The following RBM28 variants were observed in gnomAD, a reference collection of about 807,000 sequenced individuals.
RBM28 encodes the protein RNA binding motif protein 28.
Under a neutral mutation model 98.3 loss-of-function variants are expected in RBM28, and 78 were observed. The observed-to-expected ratio is 0.79, with a 90% CI of 0.66 to 0.96. RBM28 has a LOEUF of 0.96. RBM28 is among the 40% of genes least tolerant of loss of function. The pLI is 0.00. For missense variants in RBM28, 838 were observed against 913.0 expected, an observed-to-expected ratio of 0.92 and a Z score of 1.06; for synonymous variants, 306 against 330.9, an observed-to-expected ratio of 0.92 and a Z score of 0.82.
At chr7:128,324,236 A>T (rs1327045556) in intron 12 of RBM28, among the ~76,000 whole-genome samples, 1 of 152,252 alleles carries the variant, frequency 6.6e-6, no homozygotes, top group Non-Finnish European at 1.5e-5. Flanking sequence ...AATTTTAGTC[A>T]TAATGAAAAC....
intron 18 of RBM28, among the ~76,000 whole-genome samples, chr7:128,311,725 A>G (rs1795989370): frequency 6.6e-6 from 1 of 152,228 alleles, no homozygotes; most frequent in South Asian, 2.1e-4. Flanking sequence ...CCAGTATGGC[A>G]ACAGCTCATT....
rs1796228492 is a variant in RBM28 at position 128,321,317 on chromosome 7, T to C, written c.1512A>G (p.Arg504=). ...LPKAVDDKQL[R]KLLLSATSGE... ...CACTAGTAGCACTCAGCAGCAGCTT[T>C]CTGAGCTGTTTGTCATCTACAGCCT... The change falls in exon 14 of 19, where the codon AGA becomes AGG. Residue 504 remains arginine (R), a synonymous_variant. Transcript: ENST00000223073. 3.1e-6 allele frequency: 5 copies of C among 1,614,228 alleles called. No individual in the cohort carries two copies. Among genetic ancestry groups the C allele is most frequent in the Non-Finnish European group, 4.2e-6 (5 of 1,180,040 alleles).
chr7:128,316,733 C>G (rs1362834450), intron 16 of RBM28, among the ~76,000 whole-genome samples: 1 of 152,160 alleles, frequency 6.6e-6, no homozygotes, highest in Admixed American at 6.6e-5. Flanking sequence ...ACAAACAAAA[C>G]TGGTAGCTTC....
At chr7:128,336,191 T>TA in intron 6 of RBM28, 149 bp from the exon 7 acceptor site, 1 of 762,718 alleles carries the variant, frequency 1.3e-6, no homozygotes, top group Non-Finnish European at 2.1e-6. Context: ...GGAGAAAGTA[T>TA]AAAGAAAAGA....
At position 128,306,315 on chromosome 7, in the gene RBM28, G is replaced by A. The variant is rs1329857806; in HGVS notation, c.*4482C>T. 8 of 152,160 alleles carry A rather than the reference G, an allele frequency of 5.3e-5. No homozygotes were observed. The highest frequency in any genetic ancestry group is 4.1e-4 in the South Asian group (2 of 4,830). The allele number at this position is 152,160 out of a possible 1,614,324, so 9.4% of individuals were successfully genotyped here. A position where few individuals can be genotyped will look rare whatever the true frequency, so the allele number is the denominator to read the frequency against. ...ATGGACAAGGCATAGCAGAAAGTAC[G>A]GTGGTACACTCAAGGCACTGTGAAC... On this transcript the variant is annotated 3_prime_UTR_variant, in exon 19 of 19. Coordinates refer to ENST00000223073, the MANE Select transcript of RBM28 (RefSeq NM_018077.3).
At chr7:128,343,269 A>T (rs1279649638) in intron 1 of RBM28, among the ~76,000 whole-genome samples, 1 of 152,228 alleles carries the variant, frequency 6.6e-6, no homozygotes, top group Non-Finnish European at 1.5e-5. Context: ...ACAAACTTAA[A>T]GTTACTAAAT....
Position 128,303,903 on chromosome 7 carries a change from G to C in RBM28, c.*6894C>G, listed in dbSNP as rs577342314. 1.3e-5 allele frequency: 2 copies of C among 152,256 alleles called. No individual in the cohort carries two copies. The highest frequency in any genetic ancestry group is 4.8e-5 in the African/African-American group (2 of 41,532). 9.4% of individuals were successfully genotyped at this position (152,256 alleles called of 1,614,324 possible). ...GGCCTACAGCAAAGCTCCCATGACT[G>C]GAAAGTATTTAAGCATAAGGAACAG... On this transcript the variant is annotated 3_prime_UTR_variant, in exon 19 of 19. Coordinates refer to ENST00000223073, the MANE Select transcript of RBM28 (RefSeq NM_018077.3).
chr7:128,313,155 G>A lies in RBM28; in HGVS notation c.2145+20C>T, dbSNP rs201000022. ...GGCAGAACCATGCCATACCAAAGCT[G>A]TATGTCCTGCAGAACTCACCTGCTC... is the stretch of plus-strand genomic sequence containing the variant. On this transcript the variant is annotated intron_variant, in intron 18 of 18. Transcript: ENST00000223073. 2 of 1,603,288 alleles carry A rather than the reference G, an allele frequency of 1.2e-6. No individual in the cohort carries two copies. Among genetic ancestry groups the A allele is most frequent in the African/African-American group, 1.3e-5 (1 of 74,740 alleles).
intron 10 of RBM28, among the ~76,000 whole-genome samples, chr7:128,326,499 C>T (rs1299791578): frequency 6.6e-6 from 1 of 152,092 alleles, no homozygotes; most frequent in Non-Finnish European, 1.5e-5. Flanking sequence ...CATATACTTA[C>T]CATTATGTTA....
At position 128,318,658 on chromosome 7, in the gene RBM28, TA is replaced by T. The variant is rs949918338; in HGVS notation, c.1564-553del. The stretch of plus-strand genomic sequence containing the variant: ...TAGCTTATAGACATCAACAGAGACC[TA>T]AAAAAAAGCACATAAACAAAACTTC... On this transcript the variant is annotated intron_variant, in intron 14 of 18. Transcript: ENST00000223073. Among the ~76,000 whole-genome samples, 115 of 151,788 alleles carry T rather than the reference TA, an allele frequency of 7.6e-4. 1 individual carries two copies. Among genetic ancestry groups the T allele is most frequent in the African/African-American group, 2.8e-3 (114 of 41,364 alleles).
chr7:128,322,636 C>A (rs1796261500), intron 13 of RBM28, among the ~76,000 whole-genome samples: 1 of 152,158 alleles, frequency 6.6e-6, no homozygotes. Context: ...TTTTTGCTAA[C>A]AAAATTAGTT....
At chr7:128,328,094 T>C (rs1482665635) in intron 10 of RBM28, among the ~76,000 whole-genome samples, 83 of 152,166 alleles carry the variant, frequency 5.5e-4, no homozygotes, top group Admixed American at 6.5e-5. Flanking sequence ...ATTATAGCAC[T>C]ACTCAGGTGA....
chr7:128,340,391 T>C (rs1796698424), intron 1 of RBM28, among the ~76,000 whole-genome samples: 1 of 152,068 alleles, frequency 6.6e-6, no homozygotes, highest in African/African-American at 2.4e-5. Flanking sequence ...AGCAAGCACA[T>C]TAGCATGCTC....
chr7:128,318,322 A>C (rs1409247728), intron 14 of RBM28, among the ~76,000 whole-genome samples: 1 of 151,962 alleles, frequency 6.6e-6, no homozygotes, highest in Non-Finnish European at 1.5e-5. Context: ...TTGTCTCTAC[A>C]AAAAATACAA....
At chr7:128,322,261 C>T (rs76964071) in intron 13 of RBM28, among the ~76,000 whole-genome samples, 3,208 of 152,300 alleles carry the variant, frequency 0.021, 49 homozygotes, top group Non-Finnish European at 0.033. Context: ...TCAATGACCA[C>T]AGAACCATAT....
rs1796786602 is a variant in RBM28, at chr7:128,343,862, G to C, written c.-69C>G. 8.9e-7 allele frequency: 1 copy of C among 1,127,672 alleles called. No homozygotes were observed. Among genetic ancestry groups the C allele is most frequent in the South Asian group, 1.5e-5 (1 of 66,150 alleles). The allele number at this position is 1,127,672 out of a possible 1,614,324, so 69.9% of individuals were successfully genotyped here. ...GCCGGCGCACGCGAGCCGAAACGCT[G>C]GCTTTGGTAGGACAACCAAGCTCAC... On this transcript the variant is annotated 5_prime_UTR_variant, in exon 1 of 19. Coordinates refer to ENST00000223073, the MANE Select transcript of RBM28 (RefSeq NM_018077.3).
rs187841434 is a variant in RBM28 at position 128,308,180 on chromosome 7, A to G, written c.*2617T>C. ...TAAGAAAGGGAAGATTCAACCTCAT[A>G]TAAAGAACTCTTTAAAGAACTGTAC... On this transcript the variant is annotated 3_prime_UTR_variant, in exon 19 of 19. Transcript: ENST00000223073. 6.6e-6 allele frequency: 1 copy of G among 152,348 alleles called. No homozygotes were observed. Among genetic ancestry groups the G allele is most frequent in the East Asian group, 1.9e-4 (1 of 5,194 alleles). 9.4% of individuals were successfully genotyped at this position (152,348 alleles called of 1,614,324 possible). A position where few individuals can be genotyped will look rare whatever the true frequency, so the allele number is the denominator to read the frequency against.
chr7:128,336,872 C>T (rs116500844), intron 6 of RBM28, among the ~76,000 whole-genome samples: 4,430 of 152,154 alleles, frequency 0.029, 196 homozygotes, highest in African/African-American at 0.1. Flanking sequence ...CCTCAGCCTC[C>T]CAAGCAGGTG....
In RBM28 at chr7:128,333,320, T is replaced by A. The variant is rs772480315; in HGVS notation, c.989A>T (p.Asp330Val). ...AAAAACAGTTTTCCCTTCATTCACA[T>A]CAGAGGGTAATTTCCTCTTCTTTTT... is the stretch of plus-strand genomic sequence containing the variant. ...SNKKKRKLPS[D>V]VNEGKTVFIR... Residue 330 changes from aspartate to valine, a missense_variant, in exon 9 of 19, where the codon GAT becomes GTT. Asp to Val is a radical substitution (Grantham distance 152, BLOSUM62 -3). Transcript: ENST00000223073. 2.5e-6 allele frequency: 4 copies of A among 1,606,798 alleles called. No individual in the cohort carries two copies. In the South Asian group the frequency reaches 4.4e-5, roughly 18 times the overall value.
Sources: gnomAD v4.1 joint callset for allele counts (sites outside exome capture counted in the v4.1 genomes callset) on GRCh38, gnomAD v4.1.1 for gene constraint, MANE v1.5 for transcripts, NCBI Gene and HGNC (gene_info 2026-07-23, HGNC 2026-07-21) for gene names.